The following LPXN variants were observed in gnomAD, a reference collection of about 807,000 sequenced individuals.
LPXN encodes the protein leupaxin.
A neutral mutation model predicts 45.6 loss-of-function variants in LPXN; 28 were observed. The ratio of observed to expected loss-of-function variants is 0.61; its 90% confidence interval spans 0.45 to 0.84. The LOEUF is 0.84. LPXN is among the 40% of genes least tolerant of loss of function. LPXN has a pLI of 0.00. For missense variants in LPXN, 459 were observed against 475.0 expected (o/e 0.97, Z 0.31); for synonymous variants, 166 against 169.9 (o/e 0.98, Z 0.18).
upstream of LPXN, among the ~76,000 whole-genome samples, chr11:58,576,159 C>T (rs1854883033): frequency 6.6e-6 from 1 of 151,670 alleles, no homozygotes; most frequent in South Asian, 2.1e-4. Context: ...GTACCCCACT[C>T]TGAGCATCTT....
chr11:58,566,531 T>C (rs1281141593), intron 2 of LPXN, among the ~76,000 whole-genome samples: 1 of 152,232 alleles, frequency 6.6e-6, no homozygotes, highest in Non-Finnish European at 1.5e-5. Flanking sequence ...TTCTCCATTT[T>C]GGTAGAGAAT....
intron 4 of LPXN, chr11:58,554,626 A>G (rs1454083672): frequency 4.6e-6 from 2 of 436,402 alleles, no homozygotes; most frequent in East Asian, 3.6e-5. Context: ...TCTGTATTAT[A>G]TATTAATTTT....
intron 1 of LPXN, among the ~76,000 whole-genome samples, chr11:58,574,686 C>A (rs1283626406): frequency 1.3e-5 from 2 of 152,000 alleles, no homozygotes; most frequent in Admixed American, 1.3e-4. Flanking sequence ...ACCCCAAGTC[C>A]AAAAAAGAGT....
At chr11:58,541,754 G>A (rs1259654859) in intron 7 of LPXN, among the ~76,000 whole-genome samples, 2 of 151,100 alleles carry the variant, frequency 1.3e-5, no homozygotes, top group South Asian at 2.1e-4. Context: ...TGTTTATTCT[G>A]GCATTATTCA....
intron 7 of LPXN, among the ~76,000 whole-genome samples, chr11:58,541,336 T>C (rs1053798558): frequency 2.0e-5 from 3 of 151,918 alleles, no homozygotes; most frequent in Admixed American, 6.6e-5. Context: ...CTCAAACAAA[T>C]TTACAACAAA....
At chr11:58,572,111 T>C (rs1854723123) in intron 1 of LPXN, among the ~76,000 whole-genome samples, 1 of 152,176 alleles carries the variant, frequency 6.6e-6, no homozygotes, top group Admixed American at 6.5e-5. Context: ...TTACCACAGA[T>C]TTTAGCTTTC....
At chr11:58,537,427 C>G (rs529530465) in intron 7 of LPXN, among the ~76,000 whole-genome samples, 1 of 152,076 alleles carries the variant, frequency 6.6e-6, no homozygotes, top group Non-Finnish European at 1.5e-5. Context: ...AACCAAACAC[C>G]GCATGTTCTC....
chr11:58,573,396 G>A (rs1323911898), intron 1 of LPXN, among the ~76,000 whole-genome samples: 3 of 152,130 alleles, frequency 2.0e-5, no homozygotes. Flanking sequence ...TTTCAATTAT[G>A]CTAGAGCCCC....
chr11:58,555,262 G>A (rs1854168759), intron 3 of LPXN, among the ~76,000 whole-genome samples: 1 of 152,078 alleles, frequency 6.6e-6, no homozygotes, highest in Non-Finnish European at 1.5e-5. Flanking sequence ...ATCAAATCTG[G>A]CCATGTCCAT....
upstream of LPXN, chr11:58,578,320 T>C (rs1854974512): frequency 3.2e-6 from 1 of 316,878 alleles, no homozygotes; most frequent in Non-Finnish European, 6.0e-6. Context: ...GTGACTCAGT[T>C]AGAACCTCCC....
In LPXN at chr11:58,564,083, A is replaced by G. The variant is rs1854457360; in HGVS notation, c.218+72T>C. Reference sequence around the variant, plus strand: ...ATAAACACTTGCAAAGCAAATTATCACCCAAACAAAGATTGATAACAATTA... The same window carrying G: ...ATAAACACTTGCAAAGCAAATTATCGCCCAAACAAAGATTGATAACAATTA... On this transcript the variant is annotated intron_variant, in intron 3 of 8. Coordinates refer to ENST00000395074, the MANE Select transcript of LPXN (RefSeq NM_004811.3). The G allele has an allele frequency of 8.5e-6, 8 of 935,862 alleles. No individual in the cohort carries two copies. The Admixed American group carries it at 1.1e-4, about 13-fold the overall frequency. 58.0% of individuals were successfully genotyped at this position (935,862 alleles called of 1,614,324 possible).
chr11:58,575,122 T>C (rs186569788), intron 1 of LPXN, among the ~76,000 whole-genome samples: 39 of 152,334 alleles, frequency 2.6e-4, no homozygotes, highest in African/African-American at 8.2e-4. Flanking sequence ...GTTCCACTGC[T>C]GGTTTTAATT....
chr11:58,532,880 C>A (rs1282660564), intron 7 of LPXN, among the ~76,000 whole-genome samples: 1 of 152,224 alleles, frequency 6.6e-6, no homozygotes, highest in African/African-American at 2.4e-5. Flanking sequence ...GCTGCTCACT[C>A]TTTGGGTCCG....
At chr11:58,530,869 CTT>C (rs1853366708) in intron 7 of LPXN, among the ~76,000 whole-genome samples, 1 of 152,226 alleles carries the variant, frequency 6.6e-6, no homozygotes, top group Non-Finnish European at 1.5e-5. Context: ...AGGCAGCAAT[CTT>C]TGCTGTTCTG....
chr11:58,541,511 A>G (rs1189349525), intron 7 of LPXN, among the ~76,000 whole-genome samples: 1 of 151,460 alleles, frequency 6.6e-6, no homozygotes, highest in Non-Finnish European at 1.5e-5. Flanking sequence ...CACCAGTTAG[A>G]ATGGCAATCA....
chr11:58,554,383 C>T (rs1854141116), intron 4 of LPXN, among the ~76,000 whole-genome samples: 1 of 151,966 alleles, frequency 6.6e-6, no homozygotes, highest in African/African-American at 2.4e-5. Context: ...ATACCTCTGC[C>T]CTCAGGACTC....
At position 58,549,604 on chromosome 11, in the gene LPXN, A is replaced by T. The variant is rs935224477; in HGVS notation, c.742+182T>A. 2.0e-4 allele frequency among the ~76,000 whole-genome samples: 31 copies of T among 152,360 alleles called. No homozygotes were observed. In the East Asian group the frequency reaches 3.7e-3, roughly 18 times the overall value. ...CATTTGTATTTCTGTGATTTAAAAA[A>T]TCAATTTAAAGGGAAATTATAAATG... On this transcript the variant is annotated intron_variant, in intron 7 of 8. Transcript: ENST00000395074.
intron 7 of LPXN, among the ~76,000 whole-genome samples, chr11:58,538,363 G>A (rs985876788): frequency 2.0e-5 from 3 of 152,020 alleles, no homozygotes; most frequent in African/African-American, 7.3e-5. Context: ...CTTCCACAAT[G>A]GTTGAACTAG....
upstream of LPXN, among the ~76,000 whole-genome samples, chr11:58,576,532 T>A (rs1392922758): frequency 6.6e-6 from 1 of 152,174 alleles, no homozygotes; most frequent in Non-Finnish European, 1.5e-5. Flanking sequence ...AACACTGAGG[T>A]TAACTCTTCA....
Sources: gnomAD v4.1 joint callset for allele counts (sites outside exome capture counted in the v4.1 genomes callset) on GRCh38, gnomAD v4.1.1 for gene constraint, MANE v1.5 for transcripts, NCBI Gene and HGNC (gene_info 2026-07-23, HGNC 2026-07-21) for gene names.